The following SVEP1 variants were observed in gnomAD, a reference collection of about 807,000 sequenced individuals.
The protein encoded by SVEP1 is sushi, von Willebrand factor type A, EGF and pentraxin domain containing 1, also known as sushi, von Willebrand factor type A, EGF and pentraxin domain-containing protein 1.
SVEP1 carries 164 observed loss-of-function variants against 367.3 expected under a neutral mutation model. The observed-to-expected ratio is 0.45, with a 90% CI of 0.39 to 0.51. The LOEUF (loss-of-function observed/expected upper bound fraction) is 0.51. Ranked by LOEUF, SVEP1 falls within the 20% of genes least tolerant of loss-of-function variation. The pLI is 0.00. For synonymous variants in SVEP1, 1,666 were observed against 1,611.6 expected, an observed-to-expected ratio of 1.03 and a Z score of -0.81; for missense variants, 4,117 against 4,425.3, an observed-to-expected ratio of 0.93 and a Z score of 1.98.
chr9:110,515,379 C>T (rs28712449), intron 3 of SVEP1, among the ~76,000 whole-genome samples: 4,904 of 146,628 alleles, frequency 0.033, 247 homozygotes, highest in African/African-American at 0.11. Flanking sequence ...CGGCTCACTG[C>T]AACCTCTGCC....
chr9:110,423,191 A>AAAAAAAAAAAAAT, intron 36 of SVEP1, among the ~76,000 whole-genome samples: 1 of 147,378 alleles, frequency 6.8e-6, no homozygotes, highest in Middle Eastern at 3.4e-3. Flanking sequence ...AAAGAAAAAA[A>AAAAAAAAAAAAAT]AAAGAAAAAT....
Position 110,365,351 on chromosome 9 carries a change from T to C in SVEP1, c.*1188A>G, listed in dbSNP as rs1827181922. 1.3e-5 allele frequency: 2 copies of C among 152,220 alleles called. No individual in the cohort carries two copies. The highest frequency in any genetic ancestry group is 2.1e-4 in the South Asian group (1 of 4,834). The allele number at this position is 152,220 out of a possible 1,614,324, so 9.4% of individuals were successfully genotyped here. A position where few individuals can be genotyped will look rare whatever the true frequency, so the allele number is the denominator to read the frequency against. ...GTCAAGAGAAAGAAGGAGGAGTCAA[T>C]GGCTGAGGGATGCCTACGGTAGTGA... On this transcript the variant is annotated 3_prime_UTR_variant, in exon 48 of 48. Transcript: ENST00000374469.
chr9:110,530,462 A>G (rs1830003432), intron 3 of SVEP1, among the ~76,000 whole-genome samples: 1 of 152,154 alleles, frequency 6.6e-6, no homozygotes, highest in South Asian at 2.1e-4. Context: ...TAAGTATTAT[A>G]ATAACTGGAA....
chr9:110,507,172 T>A (rs1375071117), intron 5 of SVEP1, among the ~76,000 whole-genome samples: 1 of 152,188 alleles, frequency 6.6e-6, no homozygotes, highest in African/African-American at 2.4e-5. Context: ...AGAATAAAGT[T>A]CAGTTTCCTC....
intron 5 of SVEP1, among the ~76,000 whole-genome samples, chr9:110,509,355 G>A (rs1282139734): frequency 6.6e-6 from 1 of 152,252 alleles, no homozygotes; most frequent in Non-Finnish European, 1.5e-5. Flanking sequence ...TAGTGAAAGT[G>A]TAAGGGCCTG....
At chr9:110,568,493 G>A (rs1307529807) in intron 1 of SVEP1, among the ~76,000 whole-genome samples, 3 of 151,908 alleles carry the variant, frequency 2.0e-5, no homozygotes, top group African/African-American at 7.3e-5. Context: ...TTACCATATT[G>A]CTCTGGAAAT....
At chr9:110,455,153 C>T (rs374327417) in intron 22 of SVEP1, among the ~76,000 whole-genome samples, 2 of 152,088 alleles carry the variant, frequency 1.3e-5, no homozygotes, top group Admixed American at 6.6e-5. Flanking sequence ...ACATGAACAT[C>T]CACAGAAATT....
chr9:110,388,248 G>A (rs1007941027), intron 41 of SVEP1, among the ~76,000 whole-genome samples: 1 of 152,128 alleles, frequency 6.6e-6, no homozygotes, highest in Non-Finnish European at 1.5e-5. Flanking sequence ...ATAAACTGGT[G>A]AGTATTATAG....
chr9:110,390,265 A>ATATATACTTATATGTG (rs1564127440), intron 40 of SVEP1, among the ~76,000 whole-genome samples: 1 of 84,448 alleles, frequency 1.2e-5, no homozygotes, highest in African/African-American at 5.3e-5. Flanking sequence ...ATAAGTATGT[A>ATATATACTTATATGTG]TATATATACT....
Position 110,479,695 on chromosome 9 carries a change from A to G in SVEP1, c.2427T>C (p.Cys809=). ...SFEMFYKAAR[C]DDTDLMKKFS... is the part of the protein sequence containing the mutation. ...ACTTCTTCATCAGATCTGTGTCATC[A>G]CAACGAGCTGCTTTGTAGAACATCT... is the stretch of plus-strand genomic sequence containing the variant. Residue 809 remains cysteine, a synonymous_variant, in exon 13 of 48, where the codon TGT becomes TGC. Coordinates refer to ENST00000374469, the MANE Select transcript of SVEP1 (RefSeq NM_153366.4). The G allele has an allele frequency of 1.2e-6, 2 of 1,610,998 alleles. No homozygotes were observed. Among genetic ancestry groups the G allele is most frequent in the Admixed American group, 1.7e-5 (1 of 59,150 alleles).
At chr9:110,439,588 C>CG (rs1188613729) in intron 27 of SVEP1, among the ~76,000 whole-genome samples, 1 of 151,452 alleles carries the variant, frequency 6.6e-6, no homozygotes, top group Non-Finnish European at 1.5e-5. Flanking sequence ...TTAGTAGAGA[C>CG]GGGGTTTCAC....
rs1829155543 is a variant in SVEP1, at chr9:110,479,694, C to T, written c.2428G>A (p.Asp810Asn). The change falls in exon 13 of 48, where the codon GAT becomes AAT. Residue 810 changes from aspartate to asparagine, a missense_variant. Physicochemically the swap from Asp to Asn is conservative, Grantham distance 23 (BLOSUM62 1). This residue lies in a region of SVEP1 where 2,174 missense variants were observed against 2,494.3 expected (regional missense o/e 0.87). Transcript: ENST00000374469. ...AACTTCTTCATCAGATCTGTGTCAT[C>T]ACAACGAGCTGCTTTGTAGAACATC... ...FEMFYKAARC[D>N]DTDLMKKFSE... 2.5e-6 allele frequency: 4 copies of T among 1,611,012 alleles called. No homozygotes were observed. Among genetic ancestry groups the T allele is most frequent in the Non-Finnish European group, 2.5e-6 (3 of 1,178,964 alleles).
chr9:110,408,865 G>A lies in SVEP1; in HGVS notation c.6735C>T (p.Cys2245=), dbSNP rs749745299. 4 of 1,613,612 alleles carry A rather than the reference G, an allele frequency of 2.5e-6. No homozygotes were observed. In the South Asian group the frequency reaches 3.3e-5, roughly 13 times the overall value. The part of the protein sequence containing the change: ...YKSVGSPVFV[C]QANRHWHSES... ...CACTGTGCCAGTGGCGATTGGCTTG[G>A]CAGACAAATACAGGACTTCCGACTG... is the stretch of plus-strand genomic sequence containing the variant. Residue 2245 remains cysteine, a synonymous_variant, in exon 38 of 48, where the codon TGC becomes TGT. Transcript: ENST00000374469.
intron 9 of SVEP1, 50 bp from the exon 10 acceptor site, chr9:110,483,743 G>C: frequency 7.2e-7 from 1 of 1,390,890 alleles, no homozygotes; most frequent in Non-Finnish European, 9.7e-7. Flanking sequence ...ATTCACAAAC[G>C]ATGAGGAGGT....
intron 36 of SVEP1, among the ~76,000 whole-genome samples, chr9:110,413,482 G>A (rs1023262457): frequency 2.0e-5 from 3 of 151,208 alleles, no homozygotes; most frequent in Admixed American, 2.0e-4. Flanking sequence ...CATGGCACAT[G>A]TATACATATG....
At chr9:110,558,073 A>G (rs909088177) in intron 1 of SVEP1, among the ~76,000 whole-genome samples, 3 of 152,172 alleles carry the variant, frequency 2.0e-5, no homozygotes, top group Non-Finnish European at 4.4e-5. Context: ...AGTGTAAACC[A>G]AGATAGATAT....
intron 1 of SVEP1, among the ~76,000 whole-genome samples, chr9:110,578,231 T>G (rs1436366279): frequency 6.6e-6 from 1 of 152,212 alleles, no homozygotes; most frequent in African/African-American, 2.4e-5. Flanking sequence ...ATGTAGAACA[T>G]TTTAATTAGG....
intron 7 of SVEP1, among the ~76,000 whole-genome samples, chr9:110,497,863 CTT>C (rs1829474987): frequency 6.6e-6 from 1 of 152,144 alleles, no homozygotes; most frequent in Non-Finnish European, 1.5e-5. Flanking sequence ...CTCACGTCTT[CTT>C]GTTTCTTCAA....
At chr9:110,444,355 A>C (rs1588056146) in intron 26 of SVEP1, among the ~76,000 whole-genome samples, 2 of 147,126 alleles carry the variant, frequency 1.4e-5, no homozygotes, top group Non-Finnish European at 3.0e-5. Context: ...TGGACAGGAA[A>C]GTAGGGCCTC....
Sources: allele counts gnomAD v4.1 joint callset (sites outside exome capture counted in the v4.1 genomes callset), GRCh38; gene constraint gnomAD v4.1.1; regional missense constraint gnomAD v4.1.1; transcripts MANE v1.5; gene names NCBI Gene and HGNC (gene_info 2026-07-23, HGNC 2026-07-21).